Variants in SETBP1 observed in about 807,000 individuals in gnomAD.
SETBP1 encodes the protein SET-binding protein.
SETBP1 carries 9 observed loss-of-function variants against 101.0 expected under a neutral mutation model. That is an observed-to-expected ratio of 0.09 (90% confidence interval 0.05 to 0.16). The LOEUF is 0.16. Ranked by LOEUF, SETBP1 falls within the 10% of genes least tolerant of loss-of-function variation. The pLI, the probability that SETBP1 is intolerant of heterozygous loss-of-function variation, is 1.00. For synonymous variants in SETBP1, 818 were observed against 788.5 expected, an observed-to-expected ratio of 1.04 and a Z score of -0.63; for missense variants, 1,858 against 2,033.8, an observed-to-expected ratio of 0.91 and a Z score of 1.66.
intron 2 of SETBP1, among the ~76,000 whole-genome samples, chr18:44,727,766 A>C (rs564325031): frequency 2.6e-5 from 4 of 152,292 alleles, no homozygotes; most frequent in Admixed American, 6.5e-5. Flanking sequence ...TGGCCTTTCT[A>C]TTGTTGAACA....
At chr18:44,935,778 T>C (rs1473893583) in intron 3 of SETBP1, among the ~76,000 whole-genome samples, 3 of 152,222 alleles carry the variant, frequency 2.0e-5, no homozygotes, top group Admixed American at 1.3e-4. Context: ...GCCAGGTTAA[T>C]GATCCTCTCT....
chr18:44,822,784 C>T (rs1166856305), intron 2 of SETBP1, among the ~76,000 whole-genome samples: 2 of 152,230 alleles, frequency 1.3e-5, no homozygotes, highest in African/African-American at 2.4e-5. Context: ...CCCCCAATCT[C>T]ACCTCCCCAC....
intron 2 of SETBP1, among the ~76,000 whole-genome samples, chr18:44,850,396 A>G (rs972252952): frequency 1.1e-4 from 17 of 150,542 alleles, no homozygotes; most frequent in African/African-American, 4.2e-4. Context: ...TTTGAGACAG[A>G]GTCTTGCTCT....
At chr18:45,009,531 C>T (rs2072795944) in intron 4 of SETBP1, among the ~76,000 whole-genome samples, 1 of 151,710 alleles carries the variant, frequency 6.6e-6, no homozygotes, top group African/African-American at 2.4e-5. Flanking sequence ...TGTCATCATT[C>T]AGTCTGATTC....
intron 4 of SETBP1, among the ~76,000 whole-genome samples, chr18:45,033,504 G>A (rs2073338918): frequency 6.6e-6 from 1 of 152,172 alleles, no homozygotes; most frequent in Non-Finnish European, 1.5e-5. Context: ...ATAACTCCCA[G>A]TCTATGCCAA....
intron 4 of SETBP1, among the ~76,000 whole-genome samples, chr18:44,992,324 A>G (rs566231264): frequency 2.4e-4 from 36 of 152,108 alleles, no homozygotes; most frequent in Non-Finnish European, 4.6e-4. Flanking sequence ...ATTTTTTTTA[A>G]AGACTGATTG....
At chr18:45,029,238 A>T (rs568191838) in intron 4 of SETBP1, among the ~76,000 whole-genome samples, 1 of 152,274 alleles carries the variant, frequency 6.6e-6, no homozygotes, top group East Asian at 1.9e-4. Flanking sequence ...ATGGCTAGCC[A>T]GTTTTCCCAG....
intron 2 of SETBP1, among the ~76,000 whole-genome samples, chr18:44,760,847 T>C (rs937123718): frequency 6.6e-6 from 1 of 152,122 alleles, no homozygotes; most frequent in Non-Finnish European, 1.5e-5. Context: ...GTTTGAGAAA[T>C]AAAGGACATA....
chr18:44,909,613 G>A (rs868101620), intron 3 of SETBP1, among the ~76,000 whole-genome samples: 13 of 152,260 alleles, frequency 8.5e-5, no homozygotes, highest in Middle Eastern at 3.4e-3. Flanking sequence ...TATAGTAACC[G>A]ATGCTACTGT....
chr18:44,781,192 C>G (rs762302640), intron 2 of SETBP1, among the ~76,000 whole-genome samples: 1 of 152,118 alleles, frequency 6.6e-6, no homozygotes, highest in Non-Finnish European at 1.5e-5. Context: ...AATGGAAAAT[C>G]ATTGAAGAAT....
At chr18:44,701,953 T>C in intron 2 of SETBP1, 121 bp downstream of exon 2, 1 of 1,111,748 alleles carries the variant, frequency 9.0e-7, no homozygotes, top group Non-Finnish European at 1.3e-6. Context: ...GGGTTGGGGA[T>C]TCAGACCCCT....
At chr18:44,693,135 T>C (rs2068961631) in intron 1 of SETBP1, among the ~76,000 whole-genome samples, 1 of 152,182 alleles carries the variant, frequency 6.6e-6, no homozygotes, top group African/African-American at 2.4e-5. Context: ...TTGTGGAGCA[T>C]TTACTCTGGG....
chr18:44,952,833 G>A lies in SETBP1; in HGVS notation c.3493G>A (p.Gly1165Arg). The A allele has an allele frequency of 1.2e-6, 2 of 1,614,052 alleles. No homozygotes were observed. Among genetic ancestry groups the A allele is most frequent in the Non-Finnish European group, 1.7e-6 (2 of 1,180,008 alleles). Residue 1165 changes from glycine to arginine, a missense_variant, in exon 4 of 6, where the codon GGG becomes AGG. Around this residue, in one of 12 missense-constraint regions of SETBP1, gnomAD observed 417 missense variants for 389.1 expected, o/e 1.07. Coordinates refer to ENST00000649279, the MANE Select transcript of SETBP1 (RefSeq NM_015559.3). ...TAAGCACAAGGAAGACCGGATCCTA[G>A]GGACCCATGACAACCTGAGTGGTCT... The part of the protein sequence containing the change: ...KHKHKEDRIL[G>R]THDNLSGLFA...
intron 2 of SETBP1, among the ~76,000 whole-genome samples, chr18:44,851,090 T>A (rs545555247): frequency 1.3e-5 from 2 of 152,334 alleles, no homozygotes; most frequent in South Asian, 4.1e-4. Context: ...GTCTGGCTGA[T>A]GAAGCGGGGC....
chr18:44,997,557 G>A (rs1480468393), intron 4 of SETBP1, among the ~76,000 whole-genome samples: 1 of 152,166 alleles, frequency 6.6e-6, no homozygotes, highest in Non-Finnish European at 1.5e-5. Context: ...TCTAAAGATC[G>A]AGGTTTTTAG....
At chr18:45,054,133 A>G (rs1410733156) in intron 5 of SETBP1, among the ~76,000 whole-genome samples, 3 of 152,280 alleles carry the variant, frequency 2.0e-5, no homozygotes, top group South Asian at 2.1e-4. Context: ...CGTATTTCTC[A>G]GTTTACCAAT....
At chr18:44,988,960 A>G (rs2072297251) in intron 4 of SETBP1, 1 of 152,200 alleles carries the variant, frequency 6.6e-6, no homozygotes, top group African/African-American at 2.4e-5. Context: ...ACCCTTAGGC[A>G]CCTAACAAGT....
rs2073962552 is a variant in SETBP1 at position 45,066,136 on chromosome 18, T to C, written c.*2438T>C. 6.6e-6 allele frequency: 1 copy of C among 152,238 alleles called. No homozygotes were observed. The highest frequency in any genetic ancestry group is 6.5e-5 in the Admixed American group (1 of 15,284). The allele number at this position is 152,238 out of a possible 1,614,324, so 9.4% of individuals were successfully genotyped here. On this transcript the variant is annotated 3_prime_UTR_variant, in exon 6 of 6. Coordinates refer to ENST00000649279, the MANE Select transcript of SETBP1 (RefSeq NM_015559.3). ...TCTTTAATAAGGACCCAAAGTTTAC[T>C]TGACATTAACCTCTAGTAGGTGAGA...
intron 3 of SETBP1, among the ~76,000 whole-genome samples, chr18:44,886,988 A>G (rs769182407): frequency 3.3e-5 from 5 of 152,030 alleles, no homozygotes; most frequent in Non-Finnish European, 7.4e-5. Flanking sequence ...GAGTGAAGGA[A>G]TTGGTAAATT....
Sources: allele counts gnomAD v4.1 joint callset (sites outside exome capture counted in the v4.1 genomes callset), GRCh38; gene constraint gnomAD v4.1.1; regional missense constraint gnomAD v4.1.1; transcripts MANE v1.5; gene names NCBI Gene and HGNC (gene_info 2026-07-23, HGNC 2026-07-21).